TMEM132B: variants seen among roughly 807,000 people sequenced by gnomAD.
TMEM132B encodes transmembrane protein 132B.
In TMEM132B, 18 loss-of-function variants were observed where a neutral mutation model predicts 90.8. The observed-to-expected ratio is 0.20, with a 90% confidence interval of 0.14 to 0.29. The LOEUF (loss-of-function observed/expected upper bound fraction) is 0.29, where lower values mean the gene tolerates loss of function less well. Ranked by LOEUF, TMEM132B falls within the 10% of genes least tolerant of loss-of-function variation. TMEM132B has a pLI of 1.00. For missense variants in TMEM132B, 1,096 were observed against 1,326.8 expected, an observed-to-expected ratio of 0.83 and a Z score of 2.70; for synonymous variants, 504 against 523.3, an observed-to-expected ratio of 0.96 and a Z score of 0.50.
At position 125,432,528 on chromosome 12, in the gene TMEM132B, T is replaced by TATATAGAGAGAG. The variant is rs1458075923; in HGVS notation, c.1106+16852_1106+16853insTATAGAGAGAGA. On this transcript the variant is annotated intron_variant, in intron 3 of 8. Transcript: ENST00000682704. ...GTGTGTGTGTATATATATATATATA[T>TATATAGAGAGAG]AGAGAGAGAGAGAGAGAGAGAGAGA... 2.8e-4 allele frequency among the ~76,000 whole-genome samples: 11 copies of TATATAGAGAGAG among 39,128 alleles called. 3 individuals carry two copies. Among genetic ancestry groups the TATATAGAGAGAG allele is most frequent in the Non-Finnish European group, 3.5e-4 (7 of 20,094 alleles). 25.7% of individuals were successfully genotyped at this position (39,128 alleles called of 152,430 possible).
At chr12:125,245,260 G>C (rs767355) in intron 1 of TMEM132B, among the ~76,000 whole-genome samples, 35,668 of 148,002 alleles carry the variant, frequency 0.24, 4,716 homozygotes, top group East Asian at 0.37. Flanking sequence ...GTTCCCAGAT[G>C]CCCCCCCAGG....
At chr12:125,270,669 G>A (rs553929403) in intron 1 of TMEM132B, among the ~76,000 whole-genome samples, 2 of 152,084 alleles carry the variant, frequency 1.3e-5, no homozygotes, top group East Asian at 3.9e-4. Flanking sequence ...CACGGATGAG[G>A]GGAGTATTTA....
intron 6 of TMEM132B, among the ~76,000 whole-genome samples, chr12:125,648,646 A>G (rs1449219929): frequency 2.0e-5 from 3 of 151,822 alleles, no homozygotes; most frequent in African/African-American, 7.3e-5. Context: ...AAATAACAGG[A>G]TTATTTTGTT....
intron 5 of TMEM132B, among the ~76,000 whole-genome samples, chr12:125,604,545 A>G (rs1885645676): frequency 6.6e-6 from 1 of 152,226 alleles, no homozygotes; most frequent in Non-Finnish European, 1.5e-5. Context: ...GCAAAGCACC[A>G]TGGCACACAT....
chr12:125,311,385 C>A (rs977876298), intron 1 of TMEM132B, among the ~76,000 whole-genome samples: 2 of 152,132 alleles, frequency 1.3e-5, no homozygotes, highest in Non-Finnish European at 2.9e-5. Context: ...TCATACTTTC[C>A]CAGAACACAC....
chr12:125,623,079 C>T (rs370698550), intron 5 of TMEM132B, among the ~76,000 whole-genome samples: 9 of 152,190 alleles, frequency 5.9e-5, no homozygotes, highest in East Asian at 1.9e-4. Flanking sequence ...CCAGTAGGTT[C>T]GGGGAGTGCA....
At chr12:125,324,590 TC>T (rs1324552862) in intron 1 of TMEM132B, among the ~76,000 whole-genome samples, 2 of 149,274 alleles carry the variant, frequency 1.3e-5, no homozygotes, top group Admixed American at 6.6e-5. Flanking sequence ...CTGCCTGAGC[TC>T]TGCCTCCTGT....
intron 3 of TMEM132B, among the ~76,000 whole-genome samples, chr12:125,471,444 G>T (rs919298651): frequency 7.9e-5 from 12 of 152,198 alleles, no homozygotes; most frequent in Non-Finnish European, 1.6e-4. Context: ...CTTCCTTCTG[G>T]CAGTGAGCAT....
At chr12:125,381,641 G>A (rs1878685684) in intron 2 of TMEM132B, among the ~76,000 whole-genome samples, 1 of 152,182 alleles carries the variant, frequency 6.6e-6, no homozygotes, top group African/African-American at 2.4e-5. Flanking sequence ...CTGAGGGGCA[G>A]CAGAGCAGTG....
intron 3 of TMEM132B, among the ~76,000 whole-genome samples, chr12:125,501,067 T>C (rs1021451879): frequency 3.9e-5 from 6 of 152,230 alleles, no homozygotes; most frequent in Admixed American, 1.3e-4. Context: ...TCAGAAAAGT[T>C]AGGAATCCAG....
intron 5 of TMEM132B, among the ~76,000 whole-genome samples, chr12:125,610,288 A>G (rs1329375171): frequency 6.6e-6 from 1 of 152,192 alleles, no homozygotes; most frequent in Non-Finnish European, 1.5e-5. Context: ...AGAAATGGTG[A>G]GAGAAGATAT....
chr12:125,555,647 G>A (rs953149956), intron 4 of TMEM132B, among the ~76,000 whole-genome samples: 1 of 151,378 alleles, frequency 6.6e-6, no homozygotes, highest in Non-Finnish European at 1.5e-5. Context: ...ACACCAACAT[G>A]GCACATGTAT....
At chr12:125,457,137 G>C (rs1381225735) in intron 3 of TMEM132B, among the ~76,000 whole-genome samples, 1 of 152,212 alleles carries the variant, frequency 6.6e-6, no homozygotes, top group Non-Finnish European at 1.5e-5. Flanking sequence ...CACTCGCTCT[G>C]ATGATAAAGC....
At chr12:125,481,287 A>G (rs1260344981) in intron 3 of TMEM132B, among the ~76,000 whole-genome samples, 1 of 152,236 alleles carries the variant, frequency 6.6e-6, no homozygotes, top group Non-Finnish European at 1.5e-5. Context: ...AAGAAAGGGT[A>G]TTCAATTAGG....
chr12:125,497,092 T>TC (rs1882582245), intron 3 of TMEM132B, among the ~76,000 whole-genome samples: 1 of 152,030 alleles, frequency 6.6e-6, no homozygotes, highest in South Asian at 2.1e-4. Flanking sequence ...AGAGGTGGGG[T>TC]CCCCCTATTA....
intron 5 of TMEM132B, among the ~76,000 whole-genome samples, chr12:125,622,264 A>G (rs1886129496): frequency 6.6e-6 from 1 of 152,340 alleles, no homozygotes; most frequent in Non-Finnish European, 1.5e-5. Flanking sequence ...ACTGAATTCT[A>G]TTACAGATAT....
chr12:125,299,456 C>A (rs1394103273), intron 1 of TMEM132B, among the ~76,000 whole-genome samples: 1 of 152,136 alleles, frequency 6.6e-6, no homozygotes, highest in East Asian at 1.9e-4. Context: ...CATGTCAATA[C>A]CTTGGATGGC....
chr12:125,388,389 A>G lies in TMEM132B; in HGVS notation c.960-27142A>G, dbSNP rs554943572. 3.5e-4 allele frequency among the ~76,000 whole-genome samples: 53 copies of G among 152,302 alleles called. 1 individual carries two copies. The South Asian group carries it at 8.9e-3, about 26-fold the overall frequency. ...GGTTGCAGTGAGCCAAGATCCCACC[A>G]TTGCACTCCAGCCTGGGCAACAAGA... On this transcript the variant is annotated intron_variant, in intron 2 of 8. Coordinates refer to ENST00000682704, the MANE Select transcript of TMEM132B (RefSeq NM_001366854.1).
intron 4 of TMEM132B, among the ~76,000 whole-genome samples, chr12:125,556,036 T>A: frequency 6.6e-6 from 1 of 152,214 alleles, no homozygotes; most frequent in East Asian, 1.9e-4. Context: ...TAACACATAT[T>A]CTAGTTCATT....
Sources: gnomAD v4.1 joint callset for allele counts (sites outside exome capture counted in the v4.1 genomes callset) on GRCh38, gnomAD v4.1.1 for gene constraint, MANE v1.5 for transcripts, NCBI Gene and HGNC (gene_info 2026-07-23, HGNC 2026-07-21) for gene names.